EYS: variants seen among roughly 807,000 people sequenced by gnomAD.
EYS encodes the protein protein eyes shut homolog.
Under a neutral mutation model 282.1 loss-of-function variants are expected in EYS, and 250 were observed. That is an observed-to-expected ratio of 0.89 (90% CI 0.80 to 0.98). The LOEUF (loss-of-function observed/expected upper bound fraction) is 0.98, where lower values mean the gene tolerates loss of function less well. EYS is among the 50% of genes least tolerant of loss of function. The pLI is 0.00. For synonymous variants in EYS, 1,355 were observed against 1,282.9 expected, an observed-to-expected ratio of 1.06 and a Z score of -1.20; for missense variants, 4,016 against 3,709.0, an observed-to-expected ratio of 1.08 and a Z score of -2.15.
At chr6:64,057,648 T>G (rs904525016) in intron 33 of EYS, among the ~76,000 whole-genome samples, 2 of 152,200 alleles carry the variant, frequency 1.3e-5, no homozygotes, top group Non-Finnish European at 2.9e-5. Context: ...TAAACAAGTA[T>G]GCTGTTTGTC....
chr6:64,439,350 A>T lies in EYS; in HGVS notation c.5647T>A (p.Phe1883Ile). 6.7e-7 allele frequency: 1 copy of T among 1,490,282 alleles called. No individual in the cohort carries two copies. The highest frequency in any genetic ancestry group is 8.9e-7 in the Non-Finnish European group (1 of 1,124,856). The allele number at this position is 1,490,282 out of a possible 1,614,324, so 92.3% of individuals were successfully genotyped here. The change falls in exon 27 of 43, where the codon TTC becomes ATC. Residue 1883 changes from phenylalanine to isoleucine, a missense_variant and splice_region_variant. Physicochemically the swap from Phe to Ile is conservative, Grantham distance 21. Transcript: ENST00000503581. ...LAPQRLMISD[F>I]SCVRYYGDSY... ...TCTCCATAATAACGAACACAACTGA[A>T]ATCTGTGGAGTCAGAAAGAAAATAC...
intron 12 of EYS, among the ~76,000 whole-genome samples, chr6:65,293,782 G>A (rs1341964782): frequency 2.0e-5 from 3 of 151,774 alleles, no homozygotes; most frequent in East Asian, 1.9e-4. Flanking sequence ...CTAACATAAC[G>A]TTTGTGATCC....
At chr6:64,023,035 C>A (rs1260470819) in intron 33 of EYS, among the ~76,000 whole-genome samples, 1 of 152,168 alleles carries the variant, frequency 6.6e-6, no homozygotes, top group Non-Finnish European at 1.5e-5. Context: ...CCACTGGTAA[C>A]CTTTGATTAA....
At chr6:65,344,256 A>T (rs1770312471) in intron 9 of EYS, 79 bp from the exon 10 acceptor site, 1 of 1,153,732 alleles carries the variant, frequency 8.7e-7, no homozygotes, top group African/African-American at 1.6e-5. Context: ...GACTGTGGTC[A>T]AATTACTTGA....
At chr6:63,819,729 G>T (rs1394716340) in intron 36 of EYS, among the ~76,000 whole-genome samples, 2 of 152,056 alleles carry the variant, frequency 1.3e-5, no homozygotes, top group Non-Finnish European at 2.9e-5. Flanking sequence ...AAGTAATATT[G>T]TGCAGGATAC....
chr6:64,515,334 T>TA (rs1384804899), intron 26 of EYS, among the ~76,000 whole-genome samples: 4 of 151,634 alleles, frequency 2.6e-5, no homozygotes, highest in Admixed American at 2.0e-4. Context: ...TAAAAGTAAG[T>TA]AAAAGGGAAG....
At chr6:65,194,330 G>A (rs1765713892) in intron 12 of EYS, among the ~76,000 whole-genome samples, 1 of 151,490 alleles carries the variant, frequency 6.6e-6, no homozygotes, top group South Asian at 2.1e-4. Flanking sequence ...TTAGAAAAAC[G>A]GTCTATAAAA....
In EYS at chr6:65,032,048, C is replaced by A. The variant is rs537367969; in HGVS notation, c.2137+25566G>T. Among the ~76,000 whole-genome samples, 16 of 151,966 alleles carry A rather than the reference C, an allele frequency of 1.1e-4. 1 individual carries two copies. Among genetic ancestry groups the A allele is most frequent in the Non-Finnish European group, 1.9e-4 (13 of 67,974 alleles). ...ATGACAAAAGGGACATAACCACTGA[C>A]CCCACAGATAAAAACAAAAACAAAC... is the stretch of plus-strand genomic sequence containing the variant. On this transcript the variant is annotated intron_variant, in intron 13 of 42. Transcript: ENST00000503581.
chr6:63,975,325 G>A (rs1766782585), intron 35 of EYS, among the ~76,000 whole-genome samples: 1 of 151,836 alleles, frequency 6.6e-6, no homozygotes, highest in African/African-American at 2.4e-5. Context: ...TAACACAAAA[G>A]AGGCTCTACA....
intron 15 of EYS, among the ~76,000 whole-genome samples, chr6:64,935,172 A>C (rs1458461168): frequency 1.3e-5 from 2 of 151,836 alleles, no homozygotes; most frequent in Non-Finnish European, 2.9e-5. Flanking sequence ...AGGGTGTTAA[A>C]GTGGTATATC....
Position 64,477,318 on chromosome 6 carries a change from G to A in EYS, c.5645-37966C>T, listed in dbSNP as rs368111734. 2.0e-5 allele frequency among the ~76,000 whole-genome samples: 3 copies of A among 152,106 alleles called. No homozygotes were observed. In the East Asian group the frequency reaches 5.8e-4, roughly 29 times the overall value. On this transcript the variant is annotated intron_variant, in intron 26 of 42. Transcript: ENST00000503581. The stretch of plus-strand genomic sequence containing the variant: ...TGGAGAATAAGCTACTTGAGCATAG[G>A]GACATAACTCATATTTTATTTAAAA...
chr6:64,925,549 T>G (rs1768488746), intron 15 of EYS, among the ~76,000 whole-genome samples: 1 of 152,156 alleles, frequency 6.6e-6, no homozygotes. Context: ...TGAGGCTACC[T>G]TCCCAAATGC....
At chr6:65,346,472 T>C (rs777360586) in intron 9 of EYS, among the ~76,000 whole-genome samples, 4 of 150,102 alleles carry the variant, frequency 2.7e-5, no homozygotes, top group Non-Finnish European at 4.4e-5. Context: ...TGCCCTAGAT[T>C]ATTACAAATA....
intron 29 of EYS, among the ~76,000 whole-genome samples, chr6:64,350,914 T>G (rs1045218805): frequency 6.6e-6 from 1 of 151,480 alleles, no homozygotes; most frequent in Non-Finnish European, 1.5e-5. Context: ...TCTCACGGTA[T>G]CTGATGGTTT....
chr6:64,915,432 T>C (rs1425675564), intron 15 of EYS, among the ~76,000 whole-genome samples: 1 of 152,152 alleles, frequency 6.6e-6, no homozygotes, highest in Non-Finnish European at 1.5e-5. Flanking sequence ...TTGAAACAGA[T>C]CAACTTATCT....
At chr6:64,000,168 C>CTTTCAGTTTTTTTTT (rs1562142218) in intron 33 of EYS, among the ~76,000 whole-genome samples, 2 of 42,716 alleles carry the variant, frequency 4.7e-5, no homozygotes. Flanking sequence ...AGACATGGGA[C>CTTTCAGTTTTTTTTT]TTTTTTTTTT....
At chr6:65,692,897 T>A (rs1020321315) in intron 1 of EYS, among the ~76,000 whole-genome samples, 2 of 150,230 alleles carry the variant, frequency 1.3e-5, no homozygotes, top group African/African-American at 4.8e-5. Flanking sequence ...CTTTTTAGAA[T>A]TTTGGAAATA....
intron 12 of EYS, among the ~76,000 whole-genome samples, chr6:65,128,047 G>A (rs1464119453): frequency 6.6e-6 from 1 of 151,950 alleles, no homozygotes; most frequent in Non-Finnish European, 1.5e-5. Flanking sequence ...TTTTTGGTAA[G>A]TAAATCTGGT....
intron 22 of EYS, among the ~76,000 whole-genome samples, chr6:64,762,159 C>T (rs1002947957): frequency 6.6e-6 from 1 of 151,956 alleles, no homozygotes; most frequent in Non-Finnish European, 1.5e-5. Context: ...ACATATTGTA[C>T]TCCATAGACC....
Sources: gnomAD v4.1 joint callset for allele counts (sites outside exome capture counted in the v4.1 genomes callset) on GRCh38, gnomAD v4.1.1 for gene constraint, MANE v1.5 for transcripts, NCBI Gene and HGNC (gene_info 2026-07-23, HGNC 2026-07-21) for gene names.